Variants in PDE4D observed in about 807,000 individuals in gnomAD.
The protein encoded by PDE4D is 3',5'-cyclic-AMP phosphodiesterase 4D.
PDE4D carries 24 observed loss-of-function variants against 87.4 expected under a neutral mutation model. That is an observed-to-expected ratio of 0.27 (90% confidence interval 0.20 to 0.39). PDE4D has a LOEUF of 0.39. PDE4D is among the 10% of genes least tolerant of loss of function. The pLI, the probability that PDE4D is intolerant of heterozygous loss-of-function variation, is 1.00. For synonymous variants in PDE4D, 384 were observed against 383.2 expected (o/e 1.00, Z -0.02); for missense variants, 714 against 1,041.0 (o/e 0.69, Z 4.32).
intron 1 of PDE4D, among the ~76,000 whole-genome samples, chr5:59,845,764 G>A (rs1050806800): frequency 2.0e-5 from 3 of 151,950 alleles, no homozygotes; most frequent in African/African-American, 7.3e-5. Context: ...TACAATTTAC[G>A]GCCTTGTCAG....
At position 60,342,683 on chromosome 5, in the gene PDE4D, C is replaced by T. The variant is rs185926417; in HGVS notation, c.-90+145259G>A. Among the ~76,000 whole-genome samples the T allele has an allele frequency of 8.6e-3, 1,111 of 129,390 alleles. 8 individuals are homozygous for T. Among genetic ancestry groups the T allele is most frequent in the African/African-American group, 0.034 (949 of 27,640 alleles). The allele number at this position is 129,390 out of a possible 152,430, so 84.9% of individuals were successfully genotyped here. On this transcript the variant is annotated intron_variant, in intron 1 of 16. Coordinates refer to the PDE4D transcript ENST00000502484. ...ATGTTATTTCTGAGAATAGGATAAT[C>T]GGAAAACCAATGAAAAAAAAAAGAC...
At chr5:59,404,740 T>C (rs1056249789) in intron 1 of PDE4D, among the ~76,000 whole-genome samples, 1 of 152,192 alleles carries the variant, frequency 6.6e-6, no homozygotes, top group Non-Finnish European at 1.5e-5. Flanking sequence ...AATAGTTTTA[T>C]AGTTTGAAGT....
In PDE4D at chr5:58,970,113, A is replaced by C. The variant is rs988481445; in HGVS notation, c.*4551T>G. ...TGCTTTTATTTTCATTGCATATAAAAATTTCATATGAAGGTATTGATGTAC... is the reference window on the plus strand; with the variant it reads ...TGCTTTTATTTTCATTGCATATAAACATTTCATATGAAGGTATTGATGTAC... On this transcript the variant is annotated 3_prime_UTR_variant, in exon 15 of 15. Transcript: ENST00000340635. 1.3e-5 allele frequency: 2 copies of C among 152,200 alleles called. No individual in the cohort carries two copies. Among genetic ancestry groups the C allele is most frequent in the African/African-American group, 2.4e-5 (1 of 41,452 alleles). 9.4% of individuals were successfully genotyped at this position (152,200 alleles called of 1,614,324 possible).
chr5:60,165,415 T>C (rs1348168398), intron 2 of PDE4D, among the ~76,000 whole-genome samples: 2 of 152,204 alleles, frequency 1.3e-5, no homozygotes, highest in Non-Finnish European at 2.9e-5. Context: ...CTAATTTAGC[T>C]TTGTAGAGTA....
chr5:59,835,673 G>C (rs1430495231), intron 1 of PDE4D, among the ~76,000 whole-genome samples: 1 of 151,978 alleles, frequency 6.6e-6, no homozygotes, highest in Non-Finnish European at 1.5e-5. Flanking sequence ...ACAGAGCATG[G>C]AGCAGGGTGA....
intron 1 of PDE4D, among the ~76,000 whole-genome samples, chr5:59,364,674 A>T (rs913775226): frequency 1.3e-5 from 2 of 152,204 alleles, no homozygotes; most frequent in Non-Finnish European, 2.9e-5. Flanking sequence ...TATTTTTCTA[A>T]ATATTCTATA....
chr5:59,902,081 C>T (rs1279902531), intron 3 of PDE4D, among the ~76,000 whole-genome samples: 2 of 151,918 alleles, frequency 1.3e-5, no homozygotes, highest in African/African-American at 2.4e-5. Context: ...AATGTTACAT[C>T]AGGAAGCCAT....
intron 1 of PDE4D, among the ~76,000 whole-genome samples, chr5:59,616,408 C>T (rs1442323965): frequency 6.6e-6 from 1 of 152,066 alleles, no homozygotes; most frequent in Non-Finnish European, 1.5e-5. Context: ...TCAGCACTTT[C>T]TATTTTGAAA....
At chr5:59,526,326 TGACAACTAAGG>T (rs1328977873) in intron 1 of PDE4D, among the ~76,000 whole-genome samples, 1 of 152,204 alleles carries the variant, frequency 6.6e-6, no homozygotes, top group Non-Finnish European at 1.5e-5. Context: ...CACCCATTAA[TGACAACTAAGG>T]GACCATGAAG....
intron 2 of PDE4D, among the ~76,000 whole-genome samples, chr5:59,194,313 A>G (rs1022288240): frequency 6.6e-5 from 10 of 152,218 alleles, no homozygotes; most frequent in African/African-American, 2.4e-4. Context: ...AGTCACCATC[A>G]GCTATTTCTT....
intron 1 of PDE4D, among the ~76,000 whole-genome samples, chr5:59,245,314 G>A (rs2153525906): frequency 6.6e-6 from 1 of 152,266 alleles, no homozygotes; most frequent in East Asian, 1.9e-4. Context: ...AAAAAGGAAA[G>A]TAGCACAGCT....
At chr5:59,406,933 T>C (rs1791777552) in intron 1 of PDE4D, among the ~76,000 whole-genome samples, 1 of 152,208 alleles carries the variant, frequency 6.6e-6, no homozygotes, top group South Asian at 2.1e-4. Flanking sequence ...AGGCTTTTTG[T>C]TGAAGAATTT....
chr5:60,263,988 A>T (rs1268908638), intron 1 of PDE4D, among the ~76,000 whole-genome samples: 1 of 151,886 alleles, frequency 6.6e-6, no homozygotes, highest in Non-Finnish European at 1.5e-5. Flanking sequence ...GTGAAAAAAT[A>T]ATAAACTAAA....
At chr5:59,081,518 TAA>T (rs35050580) in intron 5 of PDE4D, among the ~76,000 whole-genome samples, 4 of 135,430 alleles carry the variant, frequency 3.0e-5, no homozygotes, top group Admixed American at 7.6e-5. Context: ...AGTAATCAGG[TAA>T]AAAAAAAAAA....
intron 2 of PDE4D, among the ~76,000 whole-genome samples, chr5:60,033,826 A>C (rs755958991): frequency 1.3e-5 from 2 of 152,206 alleles, no homozygotes; most frequent in Non-Finnish European, 2.9e-5. Context: ...GCACCCAGAG[A>C]AATTTGGCAA....
chr5:59,362,512 A>C lies in PDE4D; in HGVS notation c.456-146544T>G, dbSNP rs528442306. ...TAAGAACTTTGTTTACAAGATCTAA[A>C]AAAAATTAGGTGGCAAGAAATTTTA... On this transcript the variant is annotated intron_variant, in intron 1 of 14. Coordinates refer to ENST00000340635, the MANE Select transcript of PDE4D (RefSeq NM_001104631.2). Among the ~76,000 whole-genome samples, 41 of 152,288 alleles carry C rather than the reference A, an allele frequency of 2.7e-4. 1 individual carries two copies. The South Asian group carries it at 8.1e-3, about 30-fold the overall frequency.
intron 1 of PDE4D, among the ~76,000 whole-genome samples, chr5:59,799,521 A>ATTT (rs1331514811): frequency 6.6e-6 from 1 of 152,204 alleles, no homozygotes; most frequent in African/African-American, 2.4e-5. Context: ...AAGGAGATTT[A>ATTT]TGGTTTTGGA....
chr5:60,418,971 A>C (rs1310743464), intron 1 of PDE4D, among the ~76,000 whole-genome samples: 3 of 152,190 alleles, frequency 2.0e-5, no homozygotes, highest in African/African-American at 7.2e-5. Context: ...AATTTTGTAG[A>C]TGTACCATGG....
At chr5:60,208,643 T>C (rs2113071) in intron 1 of PDE4D, among the ~76,000 whole-genome samples, 11,247 of 152,114 alleles carry the variant, frequency 0.074, 448 homozygotes, top group Non-Finnish European at 0.096. Flanking sequence ...TTAAATGGCT[T>C]CCCCCAGCAC....
Sources: allele counts gnomAD v4.1 joint callset (sites outside exome capture counted in the v4.1 genomes callset), GRCh38; gene constraint gnomAD v4.1.1; transcripts MANE v1.5; gene names NCBI Gene and HGNC (gene_info 2026-07-23, HGNC 2026-07-21).